Variants in SYNGR4 observed in about 807,000 individuals in gnomAD.
SYNGR4 encodes the protein synaptogyrin-4.
Under a neutral mutation model 15.5 loss-of-function variants are expected in SYNGR4, and 15 were observed. That is an observed-to-expected ratio of 0.97 (90% CI 0.65 to 1.49). The LOEUF (loss-of-function observed/expected upper bound fraction) is 1.49. SYNGR4 is among the 40% of genes most tolerant of loss of function. The pLI is 0.00. For missense variants in SYNGR4, 292 were observed against 299.3 expected (o/e 0.98, Z 0.18); for synonymous variants, 121 against 127.4 (o/e 0.95, Z 0.34).
intron 2 of SYNGR4, among the ~76,000 whole-genome samples, chr19:48,369,222 G>T (rs946262987): frequency 6.6e-6 from 1 of 151,958 alleles, no homozygotes; most frequent in Admixed American, 6.6e-5. Flanking sequence ...GCCAGCTGGT[G>T]CCTTAACTGA....
intron 2 of SYNGR4, among the ~76,000 whole-genome samples, chr19:48,368,493 C>A (rs1334808386): frequency 6.6e-6 from 1 of 152,020 alleles, no homozygotes; most frequent in Non-Finnish European, 1.5e-5. Context: ...TCAAGCAATT[C>A]TTGTGCCTCC....
Position 48,375,741 on chromosome 19 carries a change from A to G in SYNGR4, c.460A>G (p.Ile154Val). ...AGCCATCGCCTTCACCTTCTTCTCC[A>G]TCCTTGTCTGGGTGAGGACAAGCCC... ...QAAIAFTFFS[I>V]LVWIFQAYLA... is the part of the protein sequence containing the mutation. The change falls in exon 4 of 5, where the codon ATC becomes GTC. Residue 154 changes from isoleucine to valine, a missense_variant. By Grantham distance (29) the Ile-to-Val change is conservative (BLOSUM62 3). Transcript: ENST00000344846. 6.2e-7 allele frequency: 1 copy of G among 1,613,088 alleles called. No homozygotes were observed. Among genetic ancestry groups the G allele is most frequent in the Non-Finnish European group, 8.5e-7 (1 of 1,179,296 alleles).
chr19:48,364,677 A>G (rs1406175049), intron 1 of SYNGR4, 140 bp downstream of exon 1: 1 of 152,012 alleles, frequency 6.6e-6, no homozygotes, highest in East Asian at 1.9e-4. Flanking sequence ...AATGGCCCCA[A>G]GTGACAAGGA....
chr19:48,373,689 A>T lies in SYNGR4; in HGVS notation c.266A>T (p.Gln89Leu), dbSNP rs371141758. 5.0e-6 allele frequency: 8 copies of T among 1,613,820 alleles called. No homozygotes were observed. The African/African-American group carries it at 8.0e-5, about 16-fold the overall frequency. ...SCLAFLVLDT[Q>L]ETRIAGTRFK... ...CTGGCCTTCCTCGTCCTGGACACACAGGAGACCCGCATTGCCGGCACCCGC... is the reference window on the plus strand; with the variant it reads ...CTGGCCTTCCTCGTCCTGGACACACTGGAGACCCGCATTGCCGGCACCCGC... Residue 89 changes from glutamine (Q) to leucine (L), a missense_variant, in exon 3 of 5, where the codon CAG (glutamine) becomes CTG (leucine). Coordinates refer to ENST00000344846, the MANE Select transcript of SYNGR4 (RefSeq NM_012451.4).
rs761825358 is a variant in SYNGR4 at position 48,365,950 on chromosome 19, T to C, written c.93+15T>C. The C allele has an allele frequency of 1.9e-6, 3 of 1,612,464 alleles. No homozygotes were observed. Among genetic ancestry groups the C allele is most frequent in the Non-Finnish European group, 2.5e-6 (3 of 1,179,534 alleles). On this transcript the variant is annotated intron_variant, in intron 2 of 4. Coordinates refer to ENST00000344846, the MANE Select transcript of SYNGR4 (RefSeq NM_012451.4). ...TCTTCGAAGGGGTGAGGCCCTCCCATGGCCCGACTGTGCCCCTGGGTGACA... is the reference window on the plus strand; with the variant it reads ...TCTTCGAAGGGGTGAGGCCCTCCCACGGCCCGACTGTGCCCCTGGGTGACA...
Position 48,373,638 on chromosome 19 carries a change from C to T in SYNGR4, c.215C>T (p.Ala72Val). The change falls in exon 3 of 5, where the codon GCC becomes GTC. Residue 72 changes from alanine to valine, a missense_variant. By Grantham distance (64) the Ala-to-Val change is moderately conservative (BLOSUM62 0). Transcript: ENST00000344846. ...NSVACSFAVG[A>V]GFLAFLSCLA... ...GTGGCCTGCAGCTTTGCCGTGGGAG[C>T]CGGCTTCCTGGCCTTCCTCAGCTGC... The T allele has an allele frequency of 6.2e-7, 1 of 1,613,840 alleles. No homozygotes were observed. Among genetic ancestry groups the T allele is most frequent in the South Asian group, 1.1e-5 (1 of 91,072 alleles).
At position 48,376,225 on chromosome 19, in the gene SYNGR4, TG is replaced by T; in HGVS notation, c.614del (p.Gly205AlafsTer5). On this transcript the variant is annotated frameshift_variant, in exon 5 of 5. Transcript: ENST00000344846. LOFTEE classifies it high-confidence loss of function. ...ACAGCCCTGTGAACATGCCCACCAC[TG>T]GCCCCAACAGCCTGAGTTATGCTAG... ...ANSPVNMPTT[G>X]PNSLSYASSA... 1 of 1,614,056 alleles carries T rather than the reference TG, an allele frequency of 6.2e-7. No homozygotes were observed. The highest frequency in any genetic ancestry group is 8.5e-7 in the Non-Finnish European group (1 of 1,179,998).
chr19:48,373,235 G>A (rs1048026979), intron 2 of SYNGR4: 1 of 452,432 alleles, frequency 2.2e-6, no homozygotes, highest in Non-Finnish European at 4.1e-6. Flanking sequence ...GACTCCCCTG[G>A]GGCCATGGTG....
chr19:48,370,272 G>A (rs1428152990), intron 2 of SYNGR4, among the ~76,000 whole-genome samples: 3 of 152,156 alleles, frequency 2.0e-5, no homozygotes, highest in Non-Finnish European at 2.9e-5. Context: ...GATTGCTTGA[G>A]GCCAGGAGTT....
At chr19:48,374,224 C>T (rs1174683036) in intron 3 of SYNGR4, among the ~76,000 whole-genome samples, 2 of 152,096 alleles carry the variant, frequency 1.3e-5, no homozygotes, top group East Asian at 3.9e-4. Flanking sequence ...ATTACAGGCG[C>T]ACACCACCAC....
chr19:48,367,134 A>C (rs1392344635), intron 2 of SYNGR4, among the ~76,000 whole-genome samples: 13 of 151,678 alleles, frequency 8.6e-5, no homozygotes, highest in Non-Finnish European at 1.6e-4. Flanking sequence ...TGTCTCAAAA[A>C]AAAAAAAAAA....
chr19:48,365,940 G>A lies in SYNGR4; in HGVS notation c.93+5G>A. 6.2e-7 allele frequency: 1 copy of A among 1,613,190 alleles called. No homozygotes were observed. Among genetic ancestry groups the A allele is most frequent in the Non-Finnish European group, 8.5e-7 (1 of 1,179,872 alleles). Reference sequence around the variant, plus strand: ...ATCACGCGGGTCTTCGAAGGGGTGAGGCCCTCCCATGGCCCGACTGTGCCC... The same window carrying A: ...ATCACGCGGGTCTTCGAAGGGGTGAAGCCCTCCCATGGCCCGACTGTGCCC... On this transcript the variant is annotated splice_donor_5th_base_variant and intron_variant, in intron 2 of 4. Transcript: ENST00000344846.
At chr19:48,370,849 T>TC (rs747961596) in intron 2 of SYNGR4, among the ~76,000 whole-genome samples, 3 of 152,140 alleles carry the variant, frequency 2.0e-5, no homozygotes, top group Non-Finnish European at 2.9e-5. Context: ...ATTACTGAAT[T>TC]CCCCAGGGCT....
intron 1 of SYNGR4, among the ~76,000 whole-genome samples, chr19:48,364,951 C>A (rs969700214): frequency 5.3e-5 from 8 of 151,912 alleles, no homozygotes; most frequent in Admixed American, 1.3e-4. Flanking sequence ...CCTGACAGCC[C>A]TCTCGCCCAA....
At position 48,367,190 on chromosome 19, in the gene SYNGR4, T is replaced by C. The variant is rs905409783; in HGVS notation, c.93+1255T>C. 2.0e-5 allele frequency among the ~76,000 whole-genome samples: 3 copies of C among 151,206 alleles called. No individual in the cohort carries two copies. In the East Asian group the frequency reaches 5.8e-4, roughly 29 times the overall value. The stretch of plus-strand genomic sequence containing the variant: ...GCTCACACCTGTAATCCCAGCACTT[T>C]GGGAGGCCGAGGCGGGCGGATCGTG... On this transcript the variant is annotated intron_variant, in intron 2 of 4. Transcript: ENST00000344846.
intron 1 of SYNGR4, among the ~76,000 whole-genome samples, chr19:48,365,475 A>G (rs1227430436): frequency 1.6e-5 from 1 of 63,068 alleles, no homozygotes; most frequent in Non-Finnish European, 3.0e-5. Context: ...CCTGGGGCCC[A>G]CAGAAGCCCC....
chr19:48,373,255 TGAGGTGGGGAAGACTG>T lies in SYNGR4; in HGVS notation c.94-251_94-236del, dbSNP rs555578188. ...CCCTGGGGCCATGGTGGAGATGTGC[TGAGGTGGGGAAGACTG>T]GAGGTGGGGAGGCTGGGAGGAGGCT... On this transcript the variant is annotated intron_variant, in intron 2 of 4. Coordinates refer to ENST00000344846, the MANE Select transcript of SYNGR4 (RefSeq NM_012451.4). 8.0e-6 allele frequency: 4 copies of T among 500,054 alleles called. No individual in the cohort carries two copies. In the East Asian group the frequency reaches 1.1e-4, roughly 13 times the overall value. The allele number at this position is 500,054 out of a possible 1,614,324, so 31.0% of individuals were successfully genotyped here.
rs534493409 is a variant in SYNGR4, at chr19:48,373,037, G to A, written c.94-480G>A. 16 of 168,178 alleles carry A rather than the reference G, an allele frequency of 9.5e-5. No individual in the cohort carries two copies. The South Asian group carries it at 2.3e-3, about 24-fold the overall frequency. The allele number at this position is 168,178 out of a possible 1,614,324, so 10.4% of individuals were successfully genotyped here. A position where few individuals can be genotyped will look rare whatever the true frequency, so the allele number is the denominator to read the frequency against. ...GCACTGTGCCAGGCATTTTATATGG[G>A]TACCTGGGTTTGGTGGCAGAAGGAG... On this transcript the variant is annotated intron_variant, in intron 2 of 4. Transcript: ENST00000344846.
At position 48,370,650 on chromosome 19, in the gene SYNGR4, C is replaced by T. The variant is rs116002288; in HGVS notation, c.94-2867C>T. On this transcript the variant is annotated intron_variant, in intron 2 of 4. Transcript: ENST00000344846. ...TCACAGCTCACTGCAGTCCAGACCT[C>T]GTGGGTTCAAATGATCCTTCCGCCT... 4.0e-3 allele frequency among the ~76,000 whole-genome samples: 608 copies of T among 152,144 alleles called. 2 individuals are homozygous for T. Among genetic ancestry groups the T allele is most frequent in the African/African-American group, 0.014 (583 of 41,508 alleles).
Sources: allele counts gnomAD v4.1 joint callset (sites outside exome capture counted in the v4.1 genomes callset), GRCh38; gene constraint gnomAD v4.1.1; transcripts MANE v1.5; gene names NCBI Gene and HGNC (gene_info 2026-07-23, HGNC 2026-07-21).